The following FBXO31 variants were observed in gnomAD, a reference collection of about 807,000 sequenced individuals.
FBXO31 encodes the protein F-box only protein 31.
A neutral mutation model predicts 54.4 loss-of-function variants in FBXO31; 24 were observed. The ratio of observed to expected loss-of-function variants is 0.44; its 90% CI spans 0.32 to 0.62. The LOEUF is 0.62. FBXO31 is among the 20% of genes least tolerant of loss of function. The pLI is 0.05. For synonymous variants in FBXO31, 388 were observed against 335.6 expected (o/e 1.16, Z -1.71); for missense variants, 665 against 787.1 (o/e 0.84, Z 1.86).
intron 2 of FBXO31, among the ~76,000 whole-genome samples, chr16:87,348,688 C>T (rs1487714101): frequency 1.3e-5 from 2 of 152,208 alleles, no homozygotes; most frequent in Non-Finnish European, 2.9e-5. Context: ...GCACAGGTCC[C>T]AGGGCCCCTA....
intron 1 of FBXO31, among the ~76,000 whole-genome samples, chr16:87,363,141 T>C (rs903470627): frequency 6.6e-6 from 1 of 152,016 alleles, no homozygotes; most frequent in African/African-American, 2.4e-5. Flanking sequence ...TCCCACCACT[T>C]TGGGAGGTCG....
In FBXO31 at chr16:87,346,340, C is replaced by T. The variant is rs1307187811; in HGVS notation, c.489+834G>A. Among the ~76,000 whole-genome samples the T allele has an allele frequency of 2.0e-5, 3 of 152,160 alleles. No homozygotes were observed. The highest frequency in any genetic ancestry group is 2.9e-5 in the Non-Finnish European group (2 of 68,036). On this transcript the variant is annotated intron_variant, in intron 3 of 8. Transcript: ENST00000311635. This position sits in a 1 kb window ranked among gnomAD's most constrained non-coding sequence, Gnocchi z 4.2. ...AGTGAGGGGTGGGGGGCATCCAACA[C>T]GCCTGGAGATCAGGAGAAAAGGCGG... is the stretch of plus-strand genomic sequence containing the variant.
intron 5 of FBXO31, among the ~76,000 whole-genome samples, chr16:87,341,637 C>T (rs543381313): frequency 9.6e-4 from 105 of 109,042 alleles, no homozygotes; most frequent in Non-Finnish European, 1.2e-3. Flanking sequence ...GCCTGGGCAA[C>T]AGAGCGAGAC....
rs149390291 is a variant in FBXO31 at position 87,358,158 on chromosome 16, G to A, written c.412+2137C>T. On this transcript the variant is annotated intron_variant, in intron 2 of 8. Transcript: ENST00000311635. The surrounding 1 kb of genome is among the most constrained non-coding windows in gnomAD (Gnocchi z 4.0). ...TGAAAATGTGCATTAAAGTGATCTC[G>A]ACTGGTAGTACCCAGAAACCACTGC... is the stretch of plus-strand genomic sequence containing the variant. Among the ~76,000 whole-genome samples the A allele has an allele frequency of 3.8e-4, 58 of 152,242 alleles. No homozygotes were observed. The highest frequency in any genetic ancestry group is 1.3e-3 in the African/African-American group (55 of 41,536).
chr16:87,374,257 A>C (rs545971876), intron 1 of FBXO31, among the ~76,000 whole-genome samples: 9 of 152,100 alleles, frequency 5.9e-5, no homozygotes, highest in Non-Finnish European at 1.2e-4. Flanking sequence ...AAAAAAAAAA[A>C]AAGAGAGGAA....
At chr16:87,371,512 T>C (rs1906602211) in intron 1 of FBXO31, among the ~76,000 whole-genome samples, 1 of 152,268 alleles carries the variant, frequency 6.6e-6, no homozygotes, top group Non-Finnish European at 1.5e-5. Flanking sequence ...TCTTCCTCCA[T>C]TCATGCCAGG....
At chr16:87,349,813 G>A (rs1037423151) in intron 2 of FBXO31, among the ~76,000 whole-genome samples, 2 of 151,834 alleles carry the variant, frequency 1.3e-5, no homozygotes, top group Non-Finnish European at 2.9e-5. Flanking sequence ...GGAGGTTGAG[G>A]TGGGAGGACC....
chr16:87,355,974 C>T (rs1484371415), intron 2 of FBXO31, among the ~76,000 whole-genome samples: 1 of 152,162 alleles, frequency 6.6e-6, no homozygotes, highest in Non-Finnish European at 1.5e-5. Flanking sequence ...CCTCTCAGTG[C>T]TTGTCCCCTT....
rs566006037 is a variant in FBXO31 at position 87,335,053 on chromosome 16, A to T, written c.996+251T>A. Among the ~76,000 whole-genome samples, 90 of 152,234 alleles carry T rather than the reference A, an allele frequency of 5.9e-4. 1 individual carries two copies. Among genetic ancestry groups the T allele is most frequent in the Admixed American group, 2.9e-3 (44 of 15,300 alleles). ...AGGGCTGCCAGGGTGGCCGGGGCTG[A>T]GCGGTGCTGTGGGAAGGCCACCTTG... On this transcript the variant is annotated intron_variant, in intron 7 of 8. Coordinates refer to ENST00000311635, the MANE Select transcript of FBXO31 (RefSeq NM_024735.5). The surrounding 1 kb of genome is among the most constrained non-coding windows in gnomAD (Gnocchi z 5.7).
chr16:87,372,026 C>T (rs540352770), intron 1 of FBXO31, among the ~76,000 whole-genome samples: 17 of 152,128 alleles, frequency 1.1e-4, no homozygotes, highest in Non-Finnish European at 2.1e-4. Flanking sequence ...GAGTTCGAGA[C>T]CAGTCTGGAC....
Position 87,358,033 on chromosome 16 carries a change from A to C in FBXO31, c.412+2262T>G, listed in dbSNP as rs980518252. On this transcript the variant is annotated intron_variant, in intron 2 of 8. Transcript: ENST00000311635. The surrounding 1 kb of genome is among the most constrained non-coding windows in gnomAD (Gnocchi z 4.0). ...TGTGATTAAAACTAATAAAGGTCAG[A>C]AGTCAAATATTCATATTTCACTTTA... is the stretch of plus-strand genomic sequence containing the variant. 6.6e-6 allele frequency among the ~76,000 whole-genome samples: 1 copy of C among 152,224 alleles called. No individual in the cohort carries two copies. The highest frequency in any genetic ancestry group is 6.5e-5 in the Admixed American group (1 of 15,286).
At chr16:87,385,008 CTTCAAACA>C (rs1907276899), upstream of FBXO31, among the ~76,000 whole-genome samples, 1 of 149,716 alleles carries the variant, frequency 6.7e-6, no homozygotes, top group Non-Finnish European at 1.5e-5. Context: ...AACCCTGTCT[CTTCAAACA>C]AACAAACAAA....
chr16:87,348,468 G>A (rs1905491767), intron 2 of FBXO31, among the ~76,000 whole-genome samples: 1 of 152,206 alleles, frequency 6.6e-6, no homozygotes, highest in Non-Finnish European at 1.5e-5. Flanking sequence ...CCCTGAACAC[G>A]CCTGGGCCCC....
In FBXO31 at chr16:87,328,790, T is replaced by A. The variant is rs1177423670; in HGVS notation, c.*2498A>T. 1 of 152,318 alleles carries A rather than the reference T, an allele frequency of 6.6e-6. No individual in the cohort carries two copies. The highest frequency in any genetic ancestry group is 1.9e-4 in the East Asian group (1 of 5,190). The allele number at this position is 152,318 out of a possible 1,614,324, so 9.4% of individuals were successfully genotyped here. ...AGAAAGGCATCCGTGGTGCAAAAGATGGAGAGTCCCAACCTCCCAACTCCA... is the reference window on the plus strand; with the variant it reads ...AGAAAGGCATCCGTGGTGCAAAAGAAGGAGAGTCCCAACCTCCCAACTCCA... On this transcript the variant is annotated 3_prime_UTR_variant, in exon 9 of 9. Transcript: ENST00000311635.
At chr16:87,373,675 G>C (rs188178918) in intron 1 of FBXO31, among the ~76,000 whole-genome samples, 1 of 151,950 alleles carries the variant, frequency 6.6e-6, no homozygotes, top group African/African-American at 2.4e-5. Context: ...TGGGACTACA[G>C]GTGTGCACCA....
At chr16:87,352,343 A>G (rs1307827411) in intron 2 of FBXO31, among the ~76,000 whole-genome samples, 1 of 152,234 alleles carries the variant, frequency 6.6e-6, no homozygotes, top group African/African-American at 2.4e-5. Flanking sequence ...GAGAATGTGA[A>G]TAAGGACATC....
At chr16:87,339,021 A>G (rs1454972629) in intron 5 of FBXO31, among the ~76,000 whole-genome samples, 2 of 152,174 alleles carry the variant, frequency 1.3e-5, no homozygotes, top group East Asian at 3.9e-4. Context: ...CCGCCATGTA[A>G]GATGCGCCTT....
chr16:87,377,353 G>A (rs1396429737), intron 1 of FBXO31, among the ~76,000 whole-genome samples: 1 of 152,172 alleles, frequency 6.6e-6, no homozygotes, highest in East Asian at 1.9e-4. Flanking sequence ...GGCTGAGGTG[G>A]GAGGATCATT....
intron 5 of FBXO31, among the ~76,000 whole-genome samples, chr16:87,340,270 G>A (rs186776298): frequency 9.2e-5 from 14 of 152,360 alleles, no homozygotes; most frequent in Middle Eastern, 6.8e-3. Flanking sequence ...GTGGGGGACA[G>A]GGCGAGACTA....
Sources: allele counts gnomAD v4.1 joint callset (sites outside exome capture counted in the v4.1 genomes callset), GRCh38; gene constraint gnomAD v4.1.1; non-coding constraint Gnocchi (gnomAD v3.1); transcripts MANE v1.5; gene names NCBI Gene and HGNC (gene_info 2026-07-23, HGNC 2026-07-21).